The following BTBD16 variants were observed in gnomAD, a reference collection of about 807,000 sequenced individuals.
BTBD16 encodes the protein BTB domain containing 16.
Under a neutral mutation model 67.4 loss-of-function variants are expected in BTBD16, and 66 were observed. That is an observed-to-expected ratio of 0.98 (90% CI 0.80 to 1.20). The LOEUF (loss-of-function observed/expected upper bound fraction) is 1.20. BTBD16 is among the 50% of genes most tolerant of loss of function. The pLI is 0.00. For missense variants in BTBD16, 634 were observed against 616.0 expected (o/e 1.03, Z -0.31); for synonymous variants, 242 against 236.4 (o/e 1.02, Z -0.22).
At chr10:122,333,932 T>G (rs1018685490) in intron 13 of BTBD16, among the ~76,000 whole-genome samples, 1 of 152,200 alleles carries the variant, frequency 6.6e-6, no homozygotes, top group Non-Finnish European at 1.5e-5. Context: ...GAAAGTATAT[T>G]TCATTCAAAA....
intron 13 of BTBD16, among the ~76,000 whole-genome samples, chr10:122,333,422 C>T (rs894580831): frequency 2.0e-5 from 3 of 152,262 alleles, no homozygotes; most frequent in Admixed American, 6.5e-5. Flanking sequence ...TAAATAATAT[C>T]GTCACTGTTC....
chr10:122,335,129 GT>G (rs1426293406), intron 14 of BTBD16, 150 bp downstream of exon 14: 2 of 519,902 alleles, frequency 3.8e-6, no homozygotes, highest in African/African-American at 2.0e-5. Context: ...TGTATGTGAT[GT>G]CATTTGATTT....
At chr10:122,335,010 C>A in intron 14 of BTBD16, 31 bp downstream of exon 14, 1 of 1,047,558 alleles carries the variant, frequency 9.5e-7, no homozygotes, top group Non-Finnish European at 1.4e-6. Context: ...AGTTATGTCT[C>A]TGAGACAGTC....
At chr10:122,274,340 G>A (rs1411374058) in intron 1 of BTBD16, among the ~76,000 whole-genome samples, 1 of 152,230 alleles carries the variant, frequency 6.6e-6, no homozygotes, top group African/African-American at 2.4e-5. Flanking sequence ...GCCGACTCAT[G>A]CTGGAGGCAG....
intron 13 of BTBD16, 118 bp downstream of exon 13, chr10:122,332,631 A>C: frequency 8.8e-7 from 1 of 1,135,310 alleles, no homozygotes; most frequent in South Asian, 1.6e-5. Context: ...GGGGTCCAGA[A>C]GAGAGAACCA....
intron 9 of BTBD16, among the ~76,000 whole-genome samples, chr10:122,304,095 C>A (rs2096399036): frequency 6.6e-6 from 1 of 152,114 alleles, no homozygotes; most frequent in African/African-American, 2.4e-5. Flanking sequence ...TTCGCCAGCC[C>A]AGCTGACAAA....
At chr10:122,327,812 C>T (rs2096447916) in intron 10 of BTBD16, among the ~76,000 whole-genome samples, 1 of 152,208 alleles carries the variant, frequency 6.6e-6, no homozygotes, top group Non-Finnish European at 1.5e-5. Flanking sequence ...TCCTCTTGCC[C>T]CTGCCAGCAG....
intron 13 of BTBD16, among the ~76,000 whole-genome samples, chr10:122,333,604 G>A (rs1451024731): frequency 6.6e-6 from 1 of 152,166 alleles, no homozygotes; most frequent in Non-Finnish European, 1.5e-5. Context: ...GTGAGGCATG[G>A]TTTTGGGGGA....
At chr10:122,329,700 C>T in intron 11 of BTBD16, 129 bp downstream of exon 11, 1 of 733,042 alleles carries the variant, frequency 1.4e-6, no homozygotes, top group South Asian at 1.7e-5. Context: ...ATTGTCACTT[C>T]CAAGCTGTGT....
Position 122,307,237 on chromosome 10 carries a change from G to A in BTBD16, c.840G>A (p.Trp280Ter). The stretch of plus-strand genomic sequence containing the variant: ...ATCTTCTGAAAACAATGCTTTTGTG[G>A]GTCTTCTTGCAACTGAACTACAAGA... ...EFHLLKTMLL[W>*]VFLQLNYKIQ... is the part of the protein sequence containing the mutation. The change falls in exon 10 of 16, where the codon TGG (tryptophan) becomes TGA (stop). Residue 280 changes from tryptophan to a stop codon, truncating the protein, a stop_gained. Coordinates refer to ENST00000260723, the MANE Select transcript of BTBD16 (RefSeq NM_144587.5). LOFTEE classifies it high-confidence loss of function. 6.2e-7 allele frequency: 1 copy of A among 1,609,338 alleles called. No individual in the cohort carries two copies. Among genetic ancestry groups the A allele is most frequent in the Non-Finnish European group, 8.5e-7 (1 of 1,178,466 alleles).
intron 14 of BTBD16, among the ~76,000 whole-genome samples, chr10:122,336,212 T>C (rs749660126): frequency 4.5e-4 from 69 of 152,336 alleles, no homozygotes; most frequent in Non-Finnish European, 9.1e-4. Context: ...GAGTACTACA[T>C]TGGTTTTTTA....
At chr10:122,293,118 T>C (rs1477650568) in intron 7 of BTBD16, among the ~76,000 whole-genome samples, 1 of 152,200 alleles carries the variant, frequency 6.6e-6, no homozygotes, top group Non-Finnish European at 1.5e-5. Context: ...CAATTCAGTA[T>C]AAAGAAGAGA....
intron 10 of BTBD16, among the ~76,000 whole-genome samples, chr10:122,320,295 T>G (rs923410183): frequency 6.6e-6 from 1 of 152,140 alleles, no homozygotes; most frequent in African/African-American, 2.4e-5. Context: ...GGAAATAATT[T>G]AATCTTTCAT....
At chr10:122,282,580 G>A (rs1006393926) in intron 3 of BTBD16, among the ~76,000 whole-genome samples, 8 of 152,208 alleles carry the variant, frequency 5.3e-5, no homozygotes, top group African/African-American at 1.9e-4. Flanking sequence ...GGCTTTCTGG[G>A]ATGACTGTCT....
intron 10 of BTBD16, among the ~76,000 whole-genome samples, chr10:122,325,591 T>G (rs956636830): frequency 1.3e-5 from 2 of 151,888 alleles, no homozygotes; most frequent in African/African-American, 2.4e-5. Flanking sequence ...GATGTGGGGG[T>G]GGCAGCAGGA....
chr10:122,279,602 TAGAA>T (rs1239675864), intron 3 of BTBD16, among the ~76,000 whole-genome samples: 1 of 151,728 alleles, frequency 6.6e-6, no homozygotes, highest in East Asian at 1.9e-4. Context: ...AGTAACTTCT[TAGAA>T]AGAATAAAGG....
At chr10:122,296,079 T>C (rs902434530) in intron 7 of BTBD16, among the ~76,000 whole-genome samples, 1 of 151,924 alleles carries the variant, frequency 6.6e-6, no homozygotes, top group African/African-American at 2.4e-5. Context: ...TAGCGGCAGA[T>C]AAAAAGGGAA....
At chr10:122,295,468 C>T (rs781086794) in intron 7 of BTBD16, 44 of 985,390 alleles carry the variant, frequency 4.5e-5, no homozygotes, top group Non-Finnish European at 5.3e-5. Flanking sequence ...AGCAGGAAGC[C>T]TGGGCTTGGG....
intron 9 of BTBD16, chr10:122,303,585 C>A (rs1056749363): frequency 2.0e-4 from 72 of 369,204 alleles, no homozygotes; most frequent in Non-Finnish European, 2.5e-4. Context: ...ATCTTACTCA[C>A]ATGGTCATGG....
Sources: allele counts gnomAD v4.1 joint callset (sites outside exome capture counted in the v4.1 genomes callset), GRCh38; gene constraint gnomAD v4.1.1; transcripts MANE v1.5; gene names NCBI Gene and HGNC (gene_info 2026-07-23, HGNC 2026-07-21).